Variants in FLVCR1 observed in about 807,000 individuals in gnomAD.
FLVCR1 encodes FLVCR choline and heme transporter 1.
In FLVCR1, 34 loss-of-function variants were observed where a neutral mutation model predicts 53.6. That is an observed-to-expected ratio of 0.63 (90% confidence interval 0.48 to 0.84). The LOEUF is 0.84. Among genes scored for constraint, FLVCR1 ranks in the 40% least tolerant of loss-of-function variants. The pLI, the probability that FLVCR1 is intolerant of heterozygous loss-of-function variation, is 0.00. For missense variants in FLVCR1, 677 were observed against 696.7 expected (o/e 0.97, Z 0.32); for synonymous variants, 300 against 286.3 (o/e 1.05, Z -0.48).
At chr1:212,880,231 A>G (rs1323996108) in intron 3 of FLVCR1, among the ~76,000 whole-genome samples, 2 of 152,122 alleles carry the variant, frequency 1.3e-5, no homozygotes, top group Non-Finnish European at 1.5e-5. Context: ...AAGTTTTTAG[A>G]CGAGCTATAG....
At chr1:212,888,218 C>G (rs548587348) in intron 6 of FLVCR1, among the ~76,000 whole-genome samples, 40 of 152,116 alleles carry the variant, frequency 2.6e-4, no homozygotes, top group Non-Finnish European at 4.7e-4. Flanking sequence ...AATGGATGAG[C>G]CTTACTTAAT....
At chr1:212,870,751 TTTTC>T (rs1664571279) in intron 2 of FLVCR1, among the ~76,000 whole-genome samples, 1 of 152,172 alleles carries the variant, frequency 6.6e-6, no homozygotes, top group Non-Finnish European at 1.5e-5. Context: ...TTACCTTCTT[TTTTC>T]TTTCTGTTTC....
At chr1:212,892,826 A>G (rs2102574118) in intron 8 of FLVCR1, among the ~76,000 whole-genome samples, 1 of 152,264 alleles carries the variant, frequency 6.6e-6, no homozygotes, top group East Asian at 1.9e-4. Flanking sequence ...AGATGCCATT[A>G]AGAACATTCT....
intron 2 of FLVCR1, among the ~76,000 whole-genome samples, chr1:212,867,789 G>A (rs1284857): frequency 0.082 from 12,049 of 147,386 alleles, 752 homozygotes; most frequent in African/African-American, 0.17. Flanking sequence ...AGCATATAAT[G>A]TGTGCATAAT....
intron 2 of FLVCR1, chr1:212,864,527 T>C (rs1212281409): frequency 6.6e-6 from 1 of 152,546 alleles, no homozygotes; most frequent in Non-Finnish European, 1.5e-5. Context: ...AAGGTCTGCT[T>C]TTTAAAGTTT....
chr1:212,868,329 G>A (rs1237488302), intron 2 of FLVCR1, among the ~76,000 whole-genome samples: 1 of 152,064 alleles, frequency 6.6e-6, no homozygotes, highest in Admixed American at 6.5e-5. Flanking sequence ...CTTGCCTTGG[G>A]CTCCCAAAGT....
intron 2 of FLVCR1, among the ~76,000 whole-genome samples, chr1:212,865,571 C>T (rs539366640): frequency 9.0e-5 from 13 of 144,762 alleles, no homozygotes; most frequent in Non-Finnish European, 1.8e-4. Flanking sequence ...AAACCTCTAC[C>T]TCCCAAGTTC....
At chr1:212,876,726 T>A (rs1006214518) in intron 3 of FLVCR1, among the ~76,000 whole-genome samples, 4 of 152,196 alleles carry the variant, frequency 2.6e-5, no homozygotes, top group Admixed American at 6.5e-5. Flanking sequence ...ATTTTCTTTA[T>A]CCAGTCTATT....
rs1665410263 is a variant in FLVCR1 at position 212,899,126 on chromosome 1, C to G, written c.*3836C>G. 6.6e-6 allele frequency: 1 copy of G among 152,202 alleles called. No individual in the cohort carries two copies. Among genetic ancestry groups the G allele is most frequent in the Admixed American group, 6.5e-5 (1 of 15,286 alleles). The allele number at this position is 152,202 out of a possible 1,614,324, so 9.4% of individuals were successfully genotyped here. On this transcript the variant is annotated 3_prime_UTR_variant, in exon 10 of 10. Transcript: ENST00000366971. ...GACTTAGGAAAGAAACTGGATGTTT[C>G]AAAAGCTGTTGCATTTATTACAAAT...
chr1:212,888,717 C>T (rs1392592878), intron 7 of FLVCR1, 123 bp downstream of exon 7: 1 of 788,742 alleles, frequency 1.3e-6, no homozygotes, highest in Non-Finnish European at 2.2e-6. Flanking sequence ...CAGAGTCTTG[C>T]TCAGCCATCC....
Position 212,894,969 on chromosome 1 carries a change from A to G in FLVCR1, c.1526-17A>G. 1 of 1,573,428 alleles carries G rather than the reference A, an allele frequency of 6.4e-7. No individual in the cohort carries two copies. The highest frequency in any genetic ancestry group is 8.7e-7 in the Non-Finnish European group (1 of 1,143,042). On this transcript the variant is annotated splice_polypyrimidine_tract_variant and intron_variant, in intron 8 of 9. Coordinates refer to ENST00000366971, the MANE Select transcript of FLVCR1 (RefSeq NM_014053.4). The stretch of plus-strand genomic sequence containing the variant: ...TCACATAACAGTTTATAGTAACTTG[A>G]TGCCCCTCTGTTTCAGCATTAATCA...
At chr1:212,862,284 C>T (rs1258271233) in intron 1 of FLVCR1, among the ~76,000 whole-genome samples, 1 of 152,066 alleles carries the variant, frequency 6.6e-6, no homozygotes, top group East Asian at 1.9e-4. Flanking sequence ...CATTTTTATC[C>T]ACCCGCAAAG....
chr1:212,888,381 T>C lies in FLVCR1; in HGVS notation c.1308-108T>C, dbSNP rs778114677. On this transcript the variant is annotated intron_variant, in intron 6 of 9. Coordinates refer to ENST00000366971, the MANE Select transcript of FLVCR1 (RefSeq NM_014053.4). Reference sequence around the variant, plus strand: ...ACTTTGACATAGCAACTTCAAAATATTCACTTATTTGGTCATTAGAATAAG... The same window carrying C: ...ACTTTGACATAGCAACTTCAAAATACTCACTTATTTGGTCATTAGAATAAG... The C allele has an allele frequency of 2.8e-5, 22 of 798,380 alleles. No homozygotes were observed. The East Asian group carries it at 3.3e-4, about 12-fold the overall frequency. 49.5% of individuals were successfully genotyped at this position (798,380 alleles called of 1,614,324 possible).
chr1:212,868,507 G>A (rs768945088), intron 2 of FLVCR1, among the ~76,000 whole-genome samples: 1 of 152,154 alleles, frequency 6.6e-6, no homozygotes, highest in Non-Finnish European at 1.5e-5. Flanking sequence ...TCTGCCTCCC[G>A]GATTCAAGCC....
rs1425089079 is a variant in FLVCR1, at chr1:212,896,012, G to C, written c.*722G>C. On this transcript the variant is annotated 3_prime_UTR_variant, in exon 10 of 10. Coordinates refer to ENST00000366971, the MANE Select transcript of FLVCR1 (RefSeq NM_014053.4). ...AGGAGCCTGGTTACAGGTTCATTCT[G>C]TCTTGAGTTCTTTTCTGTGCTGCCT... 3.3e-5 allele frequency: 5 copies of C among 152,252 alleles called. No individual in the cohort carries two copies. The highest frequency in any genetic ancestry group is 6.5e-5 in the Admixed American group (1 of 15,290). The allele number at this position is 152,252 out of a possible 1,614,324, so 9.4% of individuals were successfully genotyped here. A position where few individuals can be genotyped will look rare whatever the true frequency, so the allele number is the denominator to read the frequency against.
In FLVCR1 at chr1:212,861,622, AATTACCAGTT is replaced by A. The variant is rs146922240; in HGVS notation, c.739-2100_739-2091del. ...GTACTGTATTACCACCCTCTCTTGT[AATTACCAGTT>A]ATATTCTTTCTATCTAGCTTTTTGT... On this transcript the variant is annotated intron_variant, in intron 1 of 9. Coordinates refer to ENST00000366971, the MANE Select transcript of FLVCR1 (RefSeq NM_014053.4). Among the ~76,000 whole-genome samples the A allele has an allele frequency of 6.8e-3, 1,032 of 152,098 alleles. 1 individual carries two copies. Among genetic ancestry groups the A allele is most frequent in the Middle Eastern group, 0.017 (5 of 294 alleles).
chr1:212,890,029 C>T (rs1665151540), intron 8 of FLVCR1, among the ~76,000 whole-genome samples: 1 of 152,170 alleles, frequency 6.6e-6, no homozygotes, highest in South Asian at 2.1e-4. Flanking sequence ...AGATGGTAAG[C>T]AGTCAAGTGG....
chr1:212,880,625 C>T (rs187725819), intron 3 of FLVCR1, among the ~76,000 whole-genome samples: 7 of 152,100 alleles, frequency 4.6e-5, no homozygotes, highest in African/African-American at 1.4e-4. Flanking sequence ...TGGTGAAACC[C>T]GGTCTCTAAT....
At chr1:212,888,402 A>G in intron 6 of FLVCR1, 87 bp from the exon 7 acceptor site, 1 of 924,898 alleles carries the variant, frequency 1.1e-6, no homozygotes, top group Non-Finnish European at 1.8e-6. Context: ...GGTCATTAGA[A>G]TAAGCCCGAG....
Sources: gnomAD v4.1 joint callset for allele counts (sites outside exome capture counted in the v4.1 genomes callset) on GRCh38, gnomAD v4.1.1 for gene constraint, MANE v1.5 for transcripts, NCBI Gene and HGNC (gene_info 2026-07-23, HGNC 2026-07-21) for gene names.